Variants in PTPRR observed in about 807,000 individuals in gnomAD.
PTPRR encodes the protein protein tyrosine phosphatase receptor type R.
A neutral mutation model predicts 77.2 loss-of-function variants in PTPRR; 38 were observed. The observed-to-expected ratio is 0.49, with a 90% CI of 0.38 to 0.65. The LOEUF (loss-of-function observed/expected upper bound fraction) is 0.65. PTPRR is among the 30% of genes least tolerant of loss of function. The pLI is 0.00. For synonymous variants in PTPRR, 299 were observed against 283.1 expected (o/e 1.06, Z -0.57); for missense variants, 744 against 799.2 (o/e 0.93, Z 0.83).
At chr12:70,911,534 C>T (rs1349582947) in intron 1 of PTPRR, among the ~76,000 whole-genome samples, 4 of 152,072 alleles carry the variant, frequency 2.6e-5, no homozygotes, top group Admixed American at 6.6e-5. Context: ...CAGGCATATC[C>T]AAGAGAAATT....
At chr12:70,645,523 T>C (rs377444652) in intron 13 of PTPRR, among the ~76,000 whole-genome samples, 1 of 152,186 alleles carries the variant, frequency 6.6e-6, no homozygotes, top group African/African-American at 2.4e-5. Flanking sequence ...CAGAAGTACC[T>C]TGGTTTGGAT....
At chr12:70,694,652 A>G (rs1342429774) in intron 8 of PTPRR, among the ~76,000 whole-genome samples, 1 of 152,064 alleles carries the variant, frequency 6.6e-6, no homozygotes, top group African/African-American at 2.4e-5. Flanking sequence ...GGACTCCAAA[A>G]AAAGGGAGGG....
At chr12:70,763,145 TG>T (rs1242557220) in intron 3 of PTPRR, among the ~76,000 whole-genome samples, 3 of 152,014 alleles carry the variant, frequency 2.0e-5, no homozygotes, top group Admixed American at 6.6e-5. Flanking sequence ...TCTTTTTTTT[TG>T]AGATGGAGTT....
At chr12:70,825,253 G>A (rs1006150962) in intron 2 of PTPRR, among the ~76,000 whole-genome samples, 2 of 151,948 alleles carry the variant, frequency 1.3e-5, no homozygotes, top group African/African-American at 4.8e-5. Context: ...ACTCCAGCCT[G>A]GGCGACAGAG....
chr12:70,768,487 A>T (rs1341113405), intron 2 of PTPRR, among the ~76,000 whole-genome samples: 3 of 152,134 alleles, frequency 2.0e-5, no homozygotes, highest in South Asian at 2.1e-4. Flanking sequence ...AATAGACCAA[A>T]AATAGGATCT....
chr12:70,787,159 A>G (rs1277608683), intron 2 of PTPRR, among the ~76,000 whole-genome samples: 2 of 152,200 alleles, frequency 1.3e-5, no homozygotes, highest in Non-Finnish European at 2.9e-5. Flanking sequence ...TTACTTCTCA[A>G]TTACCACAAT....
intron 13 of PTPRR, among the ~76,000 whole-genome samples, chr12:70,653,802 C>A (rs1886479879): frequency 6.6e-6 from 1 of 151,902 alleles, no homozygotes; most frequent in African/African-American, 2.4e-5. Context: ...GCCATACAAC[C>A]AAAAAAATGG....
chr12:70,727,151 A>C, intron 6 of PTPRR, among the ~76,000 whole-genome samples: 1 of 152,186 alleles, frequency 6.6e-6, no homozygotes, highest in East Asian at 1.9e-4. Context: ...TTGTCTCACA[A>C]ATTTTAAGGG....
intron 1 of PTPRR, among the ~76,000 whole-genome samples, chr12:70,913,909 T>A (rs899575346): frequency 6.6e-6 from 1 of 152,176 alleles, no homozygotes; most frequent in Admixed American, 6.6e-5. Flanking sequence ...GTAACAAGCA[T>A]AGTTCTAGGG....
intron 2 of PTPRR, among the ~76,000 whole-genome samples, chr12:70,839,317 ATGTGTGTG>A (rs71817615): frequency 6.7e-6 from 1 of 150,068 alleles, no homozygotes; most frequent in Non-Finnish European, 1.5e-5. Context: ...TATTCTGGAT[ATGTGTGTG>A]TGTGTGTGTG....
rs371831031 is a variant in PTPRR at position 70,697,007 on chromosome 12, C to T, written c.1279+1258G>A. On this transcript the variant is annotated intron_variant, in intron 8 of 13. Coordinates refer to ENST00000283228, the MANE Select transcript of PTPRR (RefSeq NM_002849.4). ...TCCATTTCTCAGCTGATGGTTGCCACTCTTTGGCTATTATGAATAATGCTG... is the reference window on the plus strand; with the variant it reads ...TCCATTTCTCAGCTGATGGTTGCCATTCTTTGGCTATTATGAATAATGCTG... Among the ~76,000 whole-genome samples the T allele has an allele frequency of 9.9e-4, 150 of 152,236 alleles. 2 individuals are homozygous for T. The highest frequency in any genetic ancestry group is 3.4e-3 in the African/African-American group (140 of 41,556).
At chr12:70,784,245 A>C (rs532872067) in intron 2 of PTPRR, among the ~76,000 whole-genome samples, 2 of 152,264 alleles carry the variant, frequency 1.3e-5, no homozygotes, top group East Asian at 3.9e-4. Context: ...GGTGGCCTGG[A>C]CACCTTGCAG....
At chr12:70,665,878 A>C (rs1429049411) in intron 10 of PTPRR, among the ~76,000 whole-genome samples, 1 of 152,162 alleles carries the variant, frequency 6.6e-6, no homozygotes, top group Non-Finnish European at 1.5e-5. Context: ...AAAGATCTGT[A>C]TCATCACATA....
intron 2 of PTPRR, among the ~76,000 whole-genome samples, chr12:70,862,889 C>A (rs1275106493): frequency 1.3e-5 from 2 of 151,992 alleles, no homozygotes; most frequent in African/African-American, 4.8e-5. Flanking sequence ...AAGAAAAGAT[C>A]AATCAACTTA....
At chr12:70,920,268 T>A in intron 1 of PTPRR, 65 bp downstream of exon 1, 1 of 1,521,916 alleles carries the variant, frequency 6.6e-7, no homozygotes. Flanking sequence ...TTTCCTAGAG[T>A]CCTTAAGCAT....
At chr12:70,788,700 T>C (rs1891371083) in intron 2 of PTPRR, 1 of 773,526 alleles carries the variant, frequency 1.3e-6, no homozygotes. Context: ...AGTTCTATGC[T>C]GACTCATTTT....
intron 2 of PTPRR, among the ~76,000 whole-genome samples, chr12:70,881,559 A>T (rs1429664256): frequency 6.6e-6 from 1 of 152,242 alleles, no homozygotes; most frequent in Non-Finnish European, 1.5e-5. Context: ...AGCCTAAACC[A>T]TGTGAAAATG....
At chr12:70,803,725 A>G (rs1200217011) in intron 2 of PTPRR, among the ~76,000 whole-genome samples, 2 of 152,194 alleles carry the variant, frequency 1.3e-5, no homozygotes, top group Non-Finnish European at 2.9e-5. Flanking sequence ...TTTACTACCT[A>G]TCAGAAGGCA....
rs555385193 is a variant in PTPRR at position 70,801,144 on chromosome 12, C to T, written c.358-36366G>A. On this transcript the variant is annotated intron_variant, in intron 2 of 13. Coordinates refer to ENST00000283228, the MANE Select transcript of PTPRR (RefSeq NM_002849.4). ...TTAGGTTATGACCCTGAATCTTCCTCTAATTGTACAAACTAGGCAGTTCCT... is the reference window on the plus strand; with the variant it reads ...TTAGGTTATGACCCTGAATCTTCCTTTAATTGTACAAACTAGGCAGTTCCT... Among the ~76,000 whole-genome samples the T allele has an allele frequency of 9.8e-5, 15 of 152,286 alleles. No individual in the cohort carries two copies. The South Asian group carries it at 2.9e-3, about 29-fold the overall frequency.
Sources: allele counts gnomAD v4.1 joint callset (sites outside exome capture counted in the v4.1 genomes callset), GRCh38; gene constraint gnomAD v4.1.1; transcripts MANE v1.5; gene names NCBI Gene and HGNC (gene_info 2026-07-23, HGNC 2026-07-21).